The following HDAC9 variants were observed in gnomAD, a reference collection of about 807,000 sequenced individuals.
HDAC9 encodes histone deacetylase 9.
In HDAC9, 41 loss-of-function variants were observed where a neutral mutation model predicts 139.4. That is an observed-to-expected ratio of 0.29 (90% CI 0.23 to 0.38). The LOEUF (loss-of-function observed/expected upper bound fraction) is 0.38. Among genes scored for constraint, HDAC9 ranks in the 10% least tolerant of loss-of-function variants. The pLI is 1.00. For missense variants in HDAC9, 1,147 were observed against 1,297.0 expected (o/e 0.88, Z 1.78); for synonymous variants, 517 against 476.2 (o/e 1.09, Z -1.12).
At chr7:18,354,959 A>G (rs1207008228) in intron 1 of HDAC9, among the ~76,000 whole-genome samples, 2 of 152,158 alleles carry the variant, frequency 1.3e-5, no homozygotes, top group Non-Finnish European at 2.9e-5. Context: ...CTGGTCTTGA[A>G]GAGCCATAGA....
At chr7:18,655,511 C>T (rs970455198) in intron 11 of HDAC9, among the ~76,000 whole-genome samples, 1 of 152,086 alleles carries the variant, frequency 6.6e-6, no homozygotes, top group Non-Finnish European at 1.5e-5. Context: ...AGAATACCAG[C>T]TTATATCATC....
intron 4 of HDAC9, among the ~76,000 whole-genome samples, chr7:18,590,694 C>T (rs566828129): frequency 4.6e-5 from 7 of 152,122 alleles, no homozygotes; most frequent in Admixed American, 2.0e-4. Flanking sequence ...AAGAAGCAAA[C>T]GTAACATTAT....
intron 2 of HDAC9, among the ~76,000 whole-genome samples, chr7:18,180,263 A>ACACACACCCC (rs1554322968): frequency 1.1e-3 from 167 of 149,656 alleles, no homozygotes; most frequent in Middle Eastern, 0.01. Flanking sequence ...ACACACACAC[A>ACACACACCCC]CACACACACA....
At chr7:18,525,258 AAC>A (rs1258799425) in intron 2 of HDAC9, among the ~76,000 whole-genome samples, 3 of 152,140 alleles carry the variant, frequency 2.0e-5, no homozygotes, top group Non-Finnish European at 4.4e-5. Context: ...GACCAGATAT[AAC>A]ACTAGAACAA....
chr7:18,555,969 A>G (rs1018381770), intron 2 of HDAC9, among the ~76,000 whole-genome samples: 2 of 151,832 alleles, frequency 1.3e-5, no homozygotes, highest in South Asian at 4.1e-4. Flanking sequence ...TCTCACAGTG[A>G]TTTTTTTCTA....
chr7:18,539,714 A>G (rs114118960), intron 2 of HDAC9, among the ~76,000 whole-genome samples: 1,956 of 152,072 alleles, frequency 0.013, 50 homozygotes, highest in African/African-American at 0.045. Flanking sequence ...AAAAGGAAAA[A>G]CATTTGGTAG....
chr7:18,458,997 G>A (rs922320147), intron 1 of HDAC9: 39 of 909,996 alleles, frequency 4.3e-5, no homozygotes, highest in African/African-American at 1.2e-4. Flanking sequence ...TCAAAGCTGC[G>A]GTCAGCAACA....
intron 25 of HDAC9, among the ~76,000 whole-genome samples, chr7:18,978,913 C>T (rs1336567919): frequency 6.6e-6 from 1 of 151,896 alleles, no homozygotes; most frequent in Non-Finnish European, 1.5e-5. Flanking sequence ...CATTTGCACT[C>T]TAGAATGCCT....
intron 1 of HDAC9, among the ~76,000 whole-genome samples, chr7:18,451,368 C>CGA (rs1554422575): frequency 7.2e-6 from 1 of 138,800 alleles, no homozygotes; most frequent in Non-Finnish European, 1.6e-5. Context: ...TGTATATGTG[C>CGA]GTGTGTGTGT....
intron 2 of HDAC9, among the ~76,000 whole-genome samples, chr7:18,232,553 A>G (rs956545762): frequency 7.9e-5 from 12 of 152,060 alleles, no homozygotes; most frequent in Non-Finnish European, 1.3e-4. Flanking sequence ...AGTTATTTCT[A>G]TTTGTGTTTT....
intron 2 of HDAC9, among the ~76,000 whole-genome samples, chr7:18,208,196 C>T (rs1460863291): frequency 1.3e-5 from 2 of 152,026 alleles, no homozygotes; most frequent in South Asian, 2.1e-4. Flanking sequence ...GTTTGAGAGA[C>T]AAATTCAAAT....
intron 2 of HDAC9, among the ~76,000 whole-genome samples, chr7:18,272,302 G>A (rs1408460075): frequency 6.6e-6 from 1 of 152,112 alleles, no homozygotes; most frequent in Non-Finnish European, 1.5e-5. Context: ...GACCTTGTAA[G>A]TATAATTAAC....
chr7:18,732,142 G>A (rs957128621), intron 13 of HDAC9, among the ~76,000 whole-genome samples: 2 of 152,182 alleles, frequency 1.3e-5, no homozygotes, highest in African/African-American at 4.8e-5. Flanking sequence ...TTACAGGTGT[G>A]AGCTACTGAG....
chr7:18,429,232 T>C (rs1455140773), intron 1 of HDAC9: 2 of 152,200 alleles, frequency 1.3e-5, no homozygotes, highest in Non-Finnish European at 2.9e-5. Context: ...TACCATGATA[T>C]GAATTAGGAG....
At chr7:18,591,467 G>A (rs755942052) in intron 4 of HDAC9, 49 bp from the exon 5 acceptor site, 1 of 1,473,472 alleles carries the variant, frequency 6.8e-7, no homozygotes, top group East Asian at 2.6e-5. Context: ...ATCTGTTTCT[G>A]TGTGTGTATG....
At chr7:18,655,373 T>C (rs1790770442) in intron 11 of HDAC9, among the ~76,000 whole-genome samples, 1 of 152,170 alleles carries the variant, frequency 6.6e-6, no homozygotes, top group Non-Finnish European at 1.5e-5. Context: ...ATTATTTATC[T>C]ATCTATAGAG....
At chr7:18,462,947 C>T (rs1048778754) in intron 1 of HDAC9, among the ~76,000 whole-genome samples, 1 of 151,780 alleles carries the variant, frequency 6.6e-6, no homozygotes, top group African/African-American at 2.4e-5. Context: ...AACAGTTTTC[C>T]AGGGTGATTG....
intron 22 of HDAC9, among the ~76,000 whole-genome samples, chr7:18,895,059 A>G (rs1006958611): frequency 6.6e-6 from 1 of 152,140 alleles, no homozygotes; most frequent in Non-Finnish European, 1.5e-5. Flanking sequence ...GAGAGAAGGT[A>G]TGGCATAATT....
chr7:18,114,582 G>C (rs1453786699), intron 1 of HDAC9, among the ~76,000 whole-genome samples: 4 of 152,150 alleles, frequency 2.6e-5, no homozygotes, highest in Admixed American at 2.6e-4. Context: ...ATTAATAAGT[G>C]AAGACCTGAC....
Sources: gnomAD v4.1 joint callset for allele counts (sites outside exome capture counted in the v4.1 genomes callset) on GRCh38, gnomAD v4.1.1 for gene constraint, MANE v1.5 for transcripts, NCBI Gene and HGNC (gene_info 2026-07-23, HGNC 2026-07-21) for gene names.